The following SIPA1 variants were observed in gnomAD, a reference collection of about 807,000 sequenced individuals.
The protein encoded by SIPA1 is signal-induced proliferation-associated 1.
Under a neutral mutation model 88.1 loss-of-function variants are expected in SIPA1, and 51 were observed. That is an observed-to-expected ratio of 0.58 (90% CI 0.46 to 0.73). The LOEUF is 0.73. Ranked by LOEUF, SIPA1 falls within the 30% of genes least tolerant of loss-of-function variation. The pLI is 0.00. For synonymous variants in SIPA1, 681 were observed against 664.8 expected (o/e 1.02, Z -0.37); for missense variants, 1,348 against 1,467.6 (o/e 0.92, Z 1.33).
rs1856005228 is a variant in SIPA1 at position 65,641,561 on chromosome 11, C to G, written c.640C>G (p.Leu214Val). 1.2e-6 allele frequency: 2 copies of G among 1,611,938 alleles called. No individual in the cohort carries two copies. Among genetic ancestry groups the G allele is most frequent in the Non-Finnish European group, 1.7e-6 (2 of 1,179,742 alleles). ...TSAYSLEHAD[L>V]GAGYYRKYFY... The stretch of plus-strand genomic sequence containing the variant: ...GGCCTACAGCCTGGAGCACGCAGAC[C>G]TGGGTGCTGGCTACTACCGCAAATA... The change falls in exon 2 of 16, where the codon CTG (leucine) becomes GTG (valine). Residue 214 changes from leucine to valine, a missense_variant. Physicochemically the swap from Leu to Val is conservative, Grantham distance 32. This residue lies in a region of SIPA1 where 641 missense variants were observed against 797.7 expected (regional missense o/e 0.80). Transcript: ENST00000534313.
intron 4 of SIPA1, among the ~76,000 whole-genome samples, chr11:65,643,598 G>T (rs1447367820): frequency 1.3e-5 from 2 of 152,196 alleles, no homozygotes; most frequent in African/African-American, 4.8e-5. Context: ...GAGCAGTACT[G>T]GAACACTGAA....
intron 4 of SIPA1, among the ~76,000 whole-genome samples, chr11:65,643,369 G>A (rs1462529089): frequency 1.3e-5 from 2 of 152,214 alleles, no homozygotes; most frequent in Non-Finnish European, 2.9e-5. Flanking sequence ...TTCCTGGAGC[G>A]GCTCCTTCCA....
intron 9 of SIPA1, among the ~76,000 whole-genome samples, chr11:65,647,986 C>G (rs988099199): frequency 6.6e-6 from 1 of 152,072 alleles, no homozygotes; most frequent in African/African-American, 2.4e-5. Context: ...GTTCTCCTGC[C>G]TCAGCCTCCC....
At position 65,646,133 on chromosome 11, in the gene SIPA1, A is replaced by T; in HGVS notation, c.1264-88A>T. Reference sequence around the variant, plus strand: ...CTTCACCAGGGGCAGTGGGGGAGCCATTGGTGCCTTGGCTTTCTCCTGCCT... The same window carrying T: ...CTTCACCAGGGGCAGTGGGGGAGCCTTTGGTGCCTTGGCTTTCTCCTGCCT... On this transcript the variant is annotated intron_variant, in intron 6 of 15. Coordinates refer to ENST00000534313, the MANE Select transcript of SIPA1 (RefSeq NM_006747.4). This position sits in a 1 kb window ranked among gnomAD's most constrained non-coding sequence, Gnocchi z 7.5. The T allele has an allele frequency of 6.7e-7, 1 of 1,502,904 alleles. No individual in the cohort carries two copies. Among genetic ancestry groups the T allele is most frequent in the Non-Finnish European group, 9.1e-7 (1 of 1,096,540 alleles). 93.1% of individuals were successfully genotyped at this position (1,502,904 alleles called of 1,614,324 possible).
At chr11:65,644,398 G>A (rs1233621030) in intron 4 of SIPA1, among the ~76,000 whole-genome samples, 3 of 151,860 alleles carry the variant, frequency 2.0e-5, no homozygotes, top group African/African-American at 7.3e-5. Flanking sequence ...GGAGTGGGGG[G>A]TGCAGGGGGT....
rs1161791450 is a variant in SIPA1 at position 65,649,752 on chromosome 11, C to A, written c.2638-5C>A. On this transcript the variant is annotated splice_region_variant and splice_polypyrimidine_tract_variant and intron_variant, in intron 11 of 15. Coordinates refer to ENST00000534313, the MANE Select transcript of SIPA1 (RefSeq NM_006747.4). ...ACTGAATCTGTATCCACTTCTGTGG[C>A]ACAGGACAGGCCAGGCAGTCCCAGT... 1 of 1,614,066 alleles carries A rather than the reference C, an allele frequency of 6.2e-7. No homozygotes were observed. The highest frequency in any genetic ancestry group is 8.5e-7 in the Non-Finnish European group (1 of 1,180,026).
In SIPA1 at chr11:65,641,008, C is replaced by T; in HGVS notation, c.87C>T (p.Arg29=). ...ATGACCTCTTTGCCCGCAAGCTGCG[C>T]CAGCCAGCAAGGCCCCCGCTGACAC... ...STDDLFARKL[R]QPARPPLTPH... The change falls in exon 2 of 16, where the codon CGC becomes CGT. Residue 29 remains arginine, a synonymous_variant. Transcript: ENST00000534313. The T allele has an allele frequency of 6.3e-7, 1 of 1,590,758 alleles. No individual in the cohort carries two copies. The highest frequency in any genetic ancestry group is 8.5e-7 in the Non-Finnish European group (1 of 1,174,008).
Position 65,647,458 on chromosome 11 carries a change from G to C in SIPA1, c.2106G>C (p.Val702=), listed in dbSNP as rs559708055. 9 of 1,479,782 alleles carry C rather than the reference G, an allele frequency of 6.1e-6. No individual in the cohort carries two copies. The highest frequency in any genetic ancestry group is 7.1e-6 in the Non-Finnish European group (8 of 1,124,014). The allele number at this position is 1,479,782 out of a possible 1,614,324, so 91.7% of individuals were successfully genotyped here. Residue 702 remains valine, a synonymous_variant, in exon 9 of 16, where the codon GTG becomes GTC. Coordinates refer to ENST00000534313, the MANE Select transcript of SIPA1 (RefSeq NM_006747.4). ...RDGQGRLGFE[V]DAEGFVTHVE... Reference sequence around the variant, plus strand: ...GTCAAGGCCGCCTGGGCTTCGAGGTGGACGCCGAGGGATTCGTCACGCACG... The same window carrying C: ...GTCAAGGCCGCCTGGGCTTCGAGGTCGACGCCGAGGGATTCGTCACGCACG...
intron 9 of SIPA1, among the ~76,000 whole-genome samples, chr11:65,648,124 C>T (rs752589029): frequency 2.0e-5 from 3 of 152,118 alleles, no homozygotes; most frequent in African/African-American, 4.8e-5. Context: ...CCACCTGCCT[C>T]GCCCTCCCAA....
Position 65,649,205 on chromosome 11 carries a change from G to C in SIPA1, c.2307-57G>C, listed in dbSNP as rs1402780321. ...GCCTGGCGGGCTGGGGGTGGGGCTA[G>C]TGATGCAGGACGCTGGGGACTGGAG... On this transcript the variant is annotated intron_variant, in intron 9 of 15. Coordinates refer to ENST00000534313, the MANE Select transcript of SIPA1 (RefSeq NM_006747.4). 9.3e-6 allele frequency: 12 copies of C among 1,283,946 alleles called. No homozygotes were observed. The South Asian group carries it at 1.2e-4, about 13-fold the overall frequency. The allele number at this position is 1,283,946 out of a possible 1,614,324, so 79.5% of individuals were successfully genotyped here.
At position 65,646,192 on chromosome 11, in the gene SIPA1, A is replaced by T; in HGVS notation, c.1264-29A>T. 1 of 1,610,918 alleles carries T rather than the reference A, an allele frequency of 6.2e-7. No homozygotes were observed. The highest frequency in any genetic ancestry group is 8.5e-7 in the Non-Finnish European group (1 of 1,178,600). ...AGGGGTTTGGGGCACAGAAGACCTCATCACGAGCCCCTACTATCCAACCCC... is the reference window on the plus strand; with the variant it reads ...AGGGGTTTGGGGCACAGAAGACCTCTTCACGAGCCCCTACTATCCAACCCC... On this transcript the variant is annotated intron_variant, in intron 6 of 15. Coordinates refer to ENST00000534313, the MANE Select transcript of SIPA1 (RefSeq NM_006747.4). The surrounding 1 kb of genome is among the most constrained non-coding windows in gnomAD (Gnocchi z 7.5).
chr11:65,645,781 C>T, intron 5 of SIPA1, 73 bp from the exon 6 acceptor site: 1 of 1,028,258 alleles, frequency 9.7e-7, no homozygotes, highest in South Asian at 1.5e-5. Context: ...TGTGTACAGG[C>T]AGGAATGGCA....
intron 9 of SIPA1, among the ~76,000 whole-genome samples, chr11:65,648,870 C>T (rs1856192459): frequency 6.6e-6 from 1 of 151,908 alleles, no homozygotes; most frequent in Non-Finnish European, 1.5e-5. Context: ...ATGCTTAGCT[C>T]GCAGTACAGA....
At position 65,641,221 on chromosome 11, in the gene SIPA1, A is replaced by T. The variant is rs199740682; in HGVS notation, c.300A>T (p.Ala100=). Residue 100 remains alanine (A), a synonymous_variant, in exon 2 of 16, where the codon GCA becomes GCT. Transcript: ENST00000534313. ...TDPLALLGLP[A]EEPEPAFPPV... ...CGCTGGCACTGCTGGGGCTGCCAGC[A>T]GAGGAACCAGAGCCTGCCTTCCCAC... The T allele has an allele frequency of 7.7e-5, 125 of 1,612,928 alleles. No individual in the cohort carries two copies. In the East Asian group the frequency reaches 1.8e-3, roughly 23 times the overall value.
At chr11:65,641,699 C>T in intron 2 of SIPA1, 99 bp downstream of exon 2, 1 of 1,139,152 alleles carries the variant, frequency 8.8e-7, no homozygotes, top group Non-Finnish European at 1.2e-6. Flanking sequence ...TGTCCATTTC[C>T]TGTAAAGTCC....
In SIPA1 at chr11:65,642,892, G is replaced by A; in HGVS notation, c.984+253G>A. Among the ~76,000 whole-genome samples the A allele has an allele frequency of 9.0e-6, 1 of 111,598 alleles. No individual in the cohort carries two copies. Among genetic ancestry groups the A allele is most frequent in the Non-Finnish European group, 1.8e-5 (1 of 55,264 alleles). 73.2% of individuals were successfully genotyped at this position (111,598 alleles called of 152,430 possible). On this transcript the variant is annotated intron_variant, in intron 4 of 15. Transcript: ENST00000534313. This position sits in a 1 kb window ranked among gnomAD's most constrained non-coding sequence, Gnocchi z 6.5. ...GCCCCACCCCAGACCATCTGAATCAGAGTTTGCACTTTATTTATTTATTTA... is the reference window on the plus strand; with the variant it reads ...GCCCCACCCCAGACCATCTGAATCAAAGTTTGCACTTTATTTATTTATTTA...
At position 65,646,695 on chromosome 11, in the gene SIPA1, G is replaced by A; in HGVS notation, c.1661G>A (p.Arg554His). 6.5e-7 allele frequency: 1 copy of A among 1,541,094 alleles called. No individual in the cohort carries two copies. The highest frequency in any genetic ancestry group is 8.7e-7 in the Non-Finnish European group (1 of 1,145,804). ...VTTTSLDSAS[R>H]FGLPSLGGRR... Reference sequence around the variant, plus strand: ...ACTACGTCGCTGGACTCGGCTTCACGCTTCGGCCTGCCCTCCCTGGGTGGG... The same window carrying A: ...ACTACGTCGCTGGACTCGGCTTCACACTTCGGCCTGCCCTCCCTGGGTGGG... The change falls in exon 8 of 16, where the codon CGC becomes CAC. Residue 554 changes from arginine to histidine, a missense_variant. By Grantham distance (29) the Arg-to-His change is conservative. Coordinates refer to ENST00000534313, the MANE Select transcript of SIPA1 (RefSeq NM_006747.4). The surrounding 1 kb of genome is among the most constrained non-coding windows in gnomAD (Gnocchi z 7.5).
chr11:65,647,473 C>T lies in SIPA1; in HGVS notation c.2121C>T (p.Phe707=). The part of the protein sequence containing the change: ...RLGFEVDAEG[F]VTHVERFTFA... ...GCTTCGAGGTGGACGCCGAGGGATT[C>T]GTCACGCACGTGGAGCGCTTCACAT... Residue 707 remains phenylalanine (F), a synonymous_variant, in exon 9 of 16, where the codon TTC becomes TTT. Transcript: ENST00000534313. 6.8e-7 allele frequency: 1 copy of T among 1,475,948 alleles called. No individual in the cohort carries two copies. Among genetic ancestry groups the T allele is most frequent in the Admixed American group, 2.4e-5 (1 of 41,520 alleles). 91.4% of individuals were successfully genotyped at this position (1,475,948 alleles called of 1,614,324 possible). A position where few individuals can be genotyped will look rare whatever the true frequency, so the allele number is the denominator to read the frequency against.
chr11:65,650,129 TC>T lies in SIPA1; in HGVS notation c.2849-5del. 4 of 1,613,786 alleles carry T rather than the reference TC, an allele frequency of 2.5e-6. No homozygotes were observed. The highest frequency in any genetic ancestry group is 3.4e-6 in the Non-Finnish European group (4 of 1,179,890). On this transcript the variant is annotated splice_region_variant and splice_polypyrimidine_tract_variant and intron_variant, in intron 13 of 15. Transcript: ENST00000534313. ...CTGACCTGCCCACCTGATCCCTTTG[TC>T]CCCACAGGACAGCCCATCCCAGAGA...
Sources: allele counts gnomAD v4.1 joint callset (sites outside exome capture counted in the v4.1 genomes callset), GRCh38; gene constraint gnomAD v4.1.1; regional missense constraint gnomAD v4.1.1; non-coding constraint Gnocchi (gnomAD v3.1); transcripts MANE v1.5; gene names NCBI Gene and HGNC (gene_info 2026-07-23, HGNC 2026-07-21).